NUP93: variants seen among roughly 807,000 people sequenced by gnomAD.
NUP93 encodes nucleoporin 93, also known as nuclear pore complex protein Nup93.
A neutral mutation model predicts 107.8 loss-of-function variants in NUP93; 55 were observed. The ratio of observed to expected loss-of-function variants is 0.51; its 90% confidence interval spans 0.41 to 0.64. The LOEUF is 0.64. NUP93 is among the 30% of genes least tolerant of loss of function. The pLI is 0.00. For synonymous variants in NUP93, 390 were observed against 397.5 expected (o/e 0.98, Z 0.22); for missense variants, 937 against 1,044.7 (o/e 0.90, Z 1.42).
At chr16:56,802,039 A>C (rs1963031331) in intron 4 of NUP93, among the ~76,000 whole-genome samples, 1 of 150,206 alleles carries the variant, frequency 6.7e-6, no homozygotes, top group Non-Finnish European at 1.5e-5. Flanking sequence ...TGTCCTTAAG[A>C]AAAAAAGACT....
At chr16:56,739,678 C>A (rs113197063) in intron 1 of NUP93, among the ~76,000 whole-genome samples, 10 of 134,356 alleles carry the variant, frequency 7.4e-5, no homozygotes, top group Admixed American at 1.4e-4. Flanking sequence ...GAGGGCTGAC[C>A]CCCCCACCTC....
intron 2 of NUP93, among the ~76,000 whole-genome samples, chr16:56,751,046 G>A (rs536842127): frequency 1.3e-5 from 2 of 152,134 alleles, no homozygotes; most frequent in East Asian, 3.9e-4. Context: ...TACTCGGGAG[G>A]CTGAGGTAGG....
intron 3 of NUP93, among the ~76,000 whole-genome samples, chr16:56,762,616 G>A (rs1962146597): frequency 6.6e-6 from 1 of 152,130 alleles, no homozygotes; most frequent in Admixed American, 6.5e-5. Flanking sequence ...CCATTGCAGA[G>A]CAATAATAAA....
chr16:56,798,452 G>T, intron 3 of NUP93, 24 bp from the exon 4 acceptor site: 1 of 1,604,096 alleles, frequency 6.2e-7, no homozygotes, highest in South Asian at 1.1e-5. Context: ...ATTTTAAGTT[G>T]TGTTAATTTT....
Position 56,808,487 on chromosome 16 carries a change from TATGTA to T in NUP93, c.489+2857_489+2861del, listed in dbSNP as rs1230137963. 9.7e-4 allele frequency among the ~76,000 whole-genome samples: 116 copies of T among 119,786 alleles called. 3 individuals carry two copies. The highest frequency in any genetic ancestry group is 1.5e-3 in the Non-Finnish European group (92 of 62,432). The allele number at this position is 119,786 out of a possible 152,430, so 78.6% of individuals were successfully genotyped here. ...GTTATGTAACTATAAAATATATAGTTATGTAACTATATAAATATATAGTTATGTAA... is the reference window on the plus strand; with the variant it reads ...GTTATGTAACTATAAAATATATAGTTACTATATAAATATATAGTTATGTAA... On this transcript the variant is annotated intron_variant, in intron 5 of 21. Coordinates refer to ENST00000308159, the MANE Select transcript of NUP93 (RefSeq NM_014669.5).
At chr16:56,737,224 T>G (rs749933285) in intron 1 of NUP93, among the ~76,000 whole-genome samples, 1 of 152,170 alleles carries the variant, frequency 6.6e-6, no homozygotes, top group Non-Finnish European at 1.5e-5. Flanking sequence ...GCCAGCATAG[T>G]TGGGTTCTGG....
chr16:56,768,574 ATT>A (rs1172807737), intron 3 of NUP93, among the ~76,000 whole-genome samples: 1 of 133,818 alleles, frequency 7.5e-6, no homozygotes, highest in African/African-American at 2.8e-5. Flanking sequence ...AAAAAAAAAA[ATT>A]TTTTTTTTTG....
In NUP93 at chr16:56,848,837, C is replaced by G. The variant is rs1460320204; in HGVS notation, c.*4228C>G. On this transcript the variant is annotated 3_prime_UTR_variant, in exon 22 of 22. Transcript: ENST00000308159. ...TGGAATATCTGAGGTAAATTAAGCA[C>G]TGATTTGTTCCCAGAGTTGTGCATA... 5 of 152,198 alleles carry G rather than the reference C, an allele frequency of 3.3e-5. No homozygotes were observed. Among genetic ancestry groups the G allele is most frequent in the African/African-American group, 1.2e-4 (5 of 41,444 alleles). 9.4% of individuals were successfully genotyped at this position (152,198 alleles called of 1,614,324 possible).
At chr16:56,833,168 C>T in intron 12 of NUP93, 47 bp from the exon 13 acceptor site, 1 of 1,536,448 alleles carries the variant, frequency 6.5e-7, no homozygotes, top group Non-Finnish European at 8.8e-7. Context: ...CCAGTGAGCC[C>T]CTTCTTTCTA....
intron 3 of NUP93, among the ~76,000 whole-genome samples, chr16:56,774,578 A>G (rs941967028): frequency 5.9e-5 from 9 of 152,244 alleles, no homozygotes; most frequent in African/African-American, 2.4e-5. Context: ...ATCAGTCTGC[A>G]TATTTGAAAA....
intron 8 of NUP93, among the ~76,000 whole-genome samples, chr16:56,827,143 T>G (rs1253198991): frequency 6.6e-6 from 1 of 151,896 alleles, no homozygotes; most frequent in African/African-American, 2.4e-5. Flanking sequence ...TAACCTGGTG[T>G]TGAACACCTG....
Position 56,768,759 on chromosome 16 carries a change from C to T in NUP93, c.297+10104C>T, listed in dbSNP as rs533612054. Among the ~76,000 whole-genome samples the T allele has an allele frequency of 1.9e-3, 280 of 149,842 alleles. 1 individual carries two copies. The highest frequency in any genetic ancestry group is 6.5e-3 in the African/African-American group (263 of 40,546). ...GCGGGCGCCTGTAGTCCCAGCTACT[C>T]GGGAGGCTGAGGCAGGAGAATGGTG... On this transcript the variant is annotated intron_variant, in intron 3 of 21. Coordinates refer to ENST00000308159, the MANE Select transcript of NUP93 (RefSeq NM_014669.5).
chr16:56,835,078 T>C (rs916893470), intron 16 of NUP93, among the ~76,000 whole-genome samples: 3 of 152,240 alleles, frequency 2.0e-5, no homozygotes, highest in Non-Finnish European at 4.4e-5. Context: ...ATTTCTGCCA[T>C]TCTTGGCTCA....
intron 3 of NUP93, among the ~76,000 whole-genome samples, chr16:56,769,245 C>G (rs191747929): frequency 6.6e-6 from 1 of 152,292 alleles, no homozygotes; most frequent in Admixed American, 6.5e-5. Context: ...TATAATTGAT[C>G]ATTCATTTAG....
chr16:56,753,782 A>G (rs1961966975), intron 2 of NUP93, among the ~76,000 whole-genome samples: 2 of 152,214 alleles, frequency 1.3e-5, no homozygotes. Flanking sequence ...ATCCACAAGT[A>G]GAGACTTTAT....
Position 56,843,345 on chromosome 16 carries a change from G to A in NUP93, c.2350-1154G>A, listed in dbSNP as rs527523463. ...TGTGTGCTGCTTACAGTTCAGTGGG[G>A]CTTGCCCACTGAGAAGAGCTGGTCC... On this transcript the variant is annotated intron_variant, in intron 21 of 21. Coordinates refer to ENST00000308159, the MANE Select transcript of NUP93 (RefSeq NM_014669.5). 1.3e-3 allele frequency among the ~76,000 whole-genome samples: 205 copies of A among 152,314 alleles called. 1 individual carries two copies. Among genetic ancestry groups the A allele is most frequent in the African/African-American group, 3.9e-3 (164 of 41,556 alleles).
chr16:56,758,429 G>A (rs1304528621), intron 2 of NUP93, 109 bp from the exon 3 acceptor site: 1 of 806,274 alleles, frequency 1.2e-6, no homozygotes, highest in African/African-American at 1.7e-5. Context: ...TATATAGGAA[G>A]TTTTGAATTA....
chr16:56,735,570 C>T (rs1166696623), intron 1 of NUP93, among the ~76,000 whole-genome samples: 3 of 152,132 alleles, frequency 2.0e-5, no homozygotes, highest in Admixed American at 6.5e-5. Flanking sequence ...TGGGGTCGGG[C>T]GCAGTGGCCC....
chr16:56,840,023 T>G (rs1404133008), intron 20 of NUP93: 1 of 174,492 alleles, frequency 5.7e-6, no homozygotes, highest in Non-Finnish European at 1.2e-5. Context: ...TGTTTTGGGA[T>G]TTTTTTGTTT....
Sources: allele counts gnomAD v4.1 joint callset (sites outside exome capture counted in the v4.1 genomes callset), GRCh38; gene constraint gnomAD v4.1.1; transcripts MANE v1.5; gene names NCBI Gene and HGNC (gene_info 2026-07-23, HGNC 2026-07-21).